Variants in KRT82 observed in about 807,000 individuals in gnomAD.
The protein encoded by KRT82 is keratin, type II cuticular Hb2.
In KRT82, 44 loss-of-function variants were observed where a neutral mutation model predicts 48.0. The observed-to-expected ratio is 0.92, with a 90% confidence interval of 0.72 to 1.18. The LOEUF is 1.18. Ranked by LOEUF, KRT82 falls within the 50% of genes most tolerant of loss-of-function variation. The probability of loss-of-function intolerance (pLI) is 0.00; values close to 1 mark genes in which losing one functional copy is unlikely to be tolerated. For missense variants in KRT82, 701 were observed against 671.4 expected, an observed-to-expected ratio of 1.04 and a Z score of -0.49; for synonymous variants, 297 against 278.3, an observed-to-expected ratio of 1.07 and a Z score of -0.67.
Position 52,403,782 on chromosome 12 carries a change from A to G in KRT82, c.539T>C (p.Leu180Pro). The change falls in exon 2 of 9, where the codon CTG (leucine) becomes CCG (proline). Residue 180 changes from leucine to proline, a missense_variant. Transcript: ENST00000257974. ...CACGCGGTCCCCGGACACACAGTCCAGCTGCCGCCGAAGGGCGCTGATATA... is the reference window on the plus strand; with the variant it reads ...CACGCGGTCCCCGGACACACAGTCCGGCTGCCGCCGAAGGGCGCTGATATA... Reference protein sequence around the residue: ...EGYISALRRQLDCVSGDRVRL... With the variant: ...EGYISALRRQPDCVSGDRVRL... 2 of 1,613,636 alleles carry G rather than the reference A, an allele frequency of 1.2e-6. No individual in the cohort carries two copies. Among genetic ancestry groups the G allele is most frequent in the East Asian group, 4.5e-5 (2 of 44,870 alleles).
intron 5 of KRT82, among the ~76,000 whole-genome samples, chr12:52,397,709 A>G (rs1005444425): frequency 3.3e-5 from 5 of 152,334 alleles, no homozygotes; most frequent in Non-Finnish European, 1.5e-5. Context: ...TTACAGTAGG[A>G]AAGTCTGCAG....
At chr12:52,402,694 G>GAAAGAGTTAGCCTTTTTTCTT (rs1939805111) in intron 2 of KRT82, among the ~76,000 whole-genome samples, 1 of 152,102 alleles carries the variant, frequency 6.6e-6, no homozygotes, top group East Asian at 1.9e-4. Context: ...ACTGGACTGG[G>GAAAGAGTTAGCCTTTTTTCTT]AAAGAGTTAG....
chr12:52,400,901 G>C (rs567513566), intron 3 of KRT82, among the ~76,000 whole-genome samples: 1 of 152,312 alleles, frequency 6.6e-6, no homozygotes, highest in Non-Finnish European at 1.5e-5. Flanking sequence ...GAAATACCTG[G>C]CTACCTGTCT....
intron 6 of KRT82, 149 bp from the exon 7 acceptor site, chr12:52,396,381 G>A (rs900242844): frequency 1.4e-6 from 1 of 718,188 alleles, no homozygotes; most frequent in African/African-American, 1.8e-5. Flanking sequence ...TTCCTCCAGG[G>A]AACTGGGATG....
chr12:52,396,489 G>T lies in KRT82; in HGVS notation c.1069-257C>A, dbSNP rs531645158. Among the ~76,000 whole-genome samples, 5 of 152,296 alleles carry T rather than the reference G, an allele frequency of 3.3e-5. No homozygotes were observed. In the South Asian group the frequency reaches 8.3e-4, roughly 25 times the overall value. Reference sequence around the variant, plus strand: ...TTAATATGTTTTAAATGCCCAGCTGGTCTTCCCTAGCCCAGGAGAATGGAG... The same window carrying T: ...TTAATATGTTTTAAATGCCCAGCTGTTCTTCCCTAGCCCAGGAGAATGGAG... On this transcript the variant is annotated intron_variant, in intron 6 of 8. Coordinates refer to ENST00000257974, the MANE Select transcript of KRT82 (RefSeq NM_033033.4).
chr12:52,403,800 C>T lies in KRT82; in HGVS notation c.521G>A (p.Ser174Asn), dbSNP rs2121483355. 1.2e-6 allele frequency: 2 copies of T among 1,613,708 alleles called. No homozygotes were observed. Among genetic ancestry groups the T allele is most frequent in the Non-Finnish European group, 1.7e-6 (2 of 1,179,974 alleles). Residue 174 changes from serine (S) to asparagine (N), a missense_variant, in exon 2 of 9, where the codon AGC (serine) becomes AAC (asparagine). Ser to Asn is a conservative substitution (Grantham distance 46, BLOSUM62 1). Coordinates refer to ENST00000257974, the MANE Select transcript of KRT82 (RefSeq NM_033033.4). ...ACAGTCCAGCTGCCGCCGAAGGGCG[C>T]TGATATAGCCCTCGAAGATGGGCTC... Reference protein sequence around the residue: ...NIEPIFEGYISALRRQLDCVS... With the variant: ...NIEPIFEGYINALRRQLDCVS...
At position 52,396,056 on chromosome 12, in the gene KRT82, G is replaced by C. The variant is rs149421540; in HGVS notation, c.1245C>G (p.Ile415Met). The change falls in exon 7 of 9, where the codon ATC becomes ATG. Residue 415 changes from isoleucine (I) to methionine (M), a missense_variant. Coordinates refer to ENST00000257974, the MANE Select transcript of KRT82 (RefSeq NM_033033.4). ...EVMNSKLGLD[I>M]EIATYRRLLE... is the part of the protein sequence containing the mutation. ...GCAGGCGCCTGTAGGTGGCGATCTC[G>C]ATGTCCAGGCCCAGCTTGGAGTTCA... 1 of 1,614,144 alleles carries C rather than the reference G, an allele frequency of 6.2e-7. No homozygotes were observed. Among genetic ancestry groups the C allele is most frequent in the Non-Finnish European group, 8.5e-7 (1 of 1,180,042 alleles).
intron 5 of KRT82, among the ~76,000 whole-genome samples, chr12:52,398,933 T>C (rs1156865920): frequency 2.6e-5 from 4 of 152,176 alleles, no homozygotes; most frequent in Admixed American, 2.6e-4. Flanking sequence ...TCCTAGCACC[T>C]GCTGCTCAGC....
chr12:52,404,437 A>T (rs1939826940), intron 1 of KRT82, among the ~76,000 whole-genome samples: 1 of 152,230 alleles, frequency 6.6e-6, no homozygotes. Context: ...GCTGCATCCT[A>T]CATGGCTGTA....
rs142011803 is a variant in KRT82 at position 52,406,216 on chromosome 12, G to T, written c.62C>A (p.Ser21Ter). 2 of 1,612,270 alleles carry T rather than the reference G, an allele frequency of 1.2e-6. No individual in the cohort carries two copies. Among genetic ancestry groups the T allele is most frequent in the South Asian group, 2.2e-5 (2 of 90,910 alleles). ...RCGSQSFSSY[S>*]AVMPRMVTHY... is the part of the protein sequence containing the mutation. Reference sequence around the variant, plus strand: ...GGTGACCATCCGGGGCATGACAGCCGAGTATGAGCTGAAACTCTGACTGCC... The same window carrying T: ...GGTGACCATCCGGGGCATGACAGCCTAGTATGAGCTGAAACTCTGACTGCC... The change falls in exon 1 of 9, where the codon TCG becomes TAG. Residue 21 changes from serine to a stop codon, truncating the protein, a stop_gained. Coordinates refer to ENST00000257974, the MANE Select transcript of KRT82 (RefSeq NM_033033.4). LOFTEE classifies it high-confidence loss of function.
chr12:52,400,142 C>T lies in KRT82; in HGVS notation c.785G>A (p.Cys262Tyr). 1.9e-6 allele frequency: 3 copies of T among 1,613,060 alleles called. No individual in the cohort carries two copies. Among genetic ancestry groups the T allele is most frequent in the Non-Finnish European group, 2.5e-6 (3 of 1,179,188 alleles). ...FLKSLYEEEI[C>Y]LLQSQISETS... ...CTCAGAGATCTGAGACTGGAGCAGG[C>T]AGATCTCCTGGGGGCAGGGCCCATG... The change falls in exon 5 of 9, where the codon TGC becomes TAC. Residue 262 changes from cysteine to tyrosine, a missense_variant. Coordinates refer to ENST00000257974, the MANE Select transcript of KRT82 (RefSeq NM_033033.4).
Position 52,397,024 on chromosome 12 carries a change from G to A in KRT82, c.943-16C>T. 6.2e-7 allele frequency: 1 copy of A among 1,612,854 alleles called. No individual in the cohort carries two copies. The highest frequency in any genetic ancestry group is 8.5e-7 in the Non-Finnish European group (1 of 1,179,852). On this transcript the variant is annotated splice_polypyrimidine_tract_variant and intron_variant, in intron 5 of 8. Coordinates refer to ENST00000257974, the MANE Select transcript of KRT82 (RefSeq NM_033033.4). ...GCTCCTCATACTGCCAGGACAGAGA[G>A]GTCAGAGCCCCAGGCCCCACAAGAT...
chr12:52,399,492 T>A (rs1283973304), intron 5 of KRT82, among the ~76,000 whole-genome samples: 1 of 152,176 alleles, frequency 6.6e-6, no homozygotes. Flanking sequence ...ATTTGTTAAA[T>A]CTAATTACCC....
At position 52,395,025 on chromosome 12, in the gene KRT82, A is replaced by C; in HGVS notation, c.1492T>G (p.Ser498Ala). 2 of 1,613,616 alleles carry C rather than the reference A, an allele frequency of 1.2e-6. No individual in the cohort carries two copies. The highest frequency in any genetic ancestry group is 1.7e-6 in the Non-Finnish European group (2 of 1,179,936). Residue 498 changes from serine (S) to alanine (A), a missense_variant, in exon 9 of 9, where the codon TCC becomes GCC. Transcript: ENST00000257974. ...GLLSCGSGRK[S>A]SMTLGAGGSS... ...CCCCCAGCTCCTAGCGTCATGCTGG[A>C]TTTCCGCCCGCTCCCACAGCTCAGT...
intron 2 of KRT82, 28 bp downstream of exon 2, chr12:52,403,673 C>A: frequency 7.2e-7 from 1 of 1,387,802 alleles, no homozygotes. Flanking sequence ...CCAGGTCCAC[C>A]AGTGGGGTAA....
Position 52,405,847 on chromosome 12 carries a change from C to G in KRT82, c.411+20G>C. 6.3e-7 allele frequency: 1 copy of G among 1,594,828 alleles called. No individual in the cohort carries two copies. Among genetic ancestry groups the G allele is most frequent in the Non-Finnish European group, 8.6e-7 (1 of 1,169,390 alleles). On this transcript the variant is annotated intron_variant, in intron 1 of 8. Coordinates refer to ENST00000257974, the MANE Select transcript of KRT82 (RefSeq NM_033033.4). ...ATCTGCAGTGGGTCCTCTCACGGCC[C>G]TGGGCCACTGCCCCCTTACCTTGTT...
At chr12:52,403,523 C>T (rs1939814789) in intron 2 of KRT82, among the ~76,000 whole-genome samples, 178 bp downstream of exon 2, 1 of 152,222 alleles carries the variant, frequency 6.6e-6, no homozygotes, top group Admixed American at 6.5e-5. Flanking sequence ...AATACACAGT[C>T]TCAGAGCTCC....
At position 52,401,320 on chromosome 12, in the gene KRT82, C is replaced by A. The variant is rs763368729; in HGVS notation, c.650G>T (p.Cys217Phe). 1 of 1,614,124 alleles carries A rather than the reference C, an allele frequency of 6.2e-7. No individual in the cohort carries two copies. The highest frequency in any genetic ancestry group is 8.5e-7 in the Non-Finnish European group (1 of 1,179,980). ...KYEEELSLRPCVENEFVALKK... is the reference protein window; with the variant it reads ...KYEEELSLRPFVENEFVALKK... ...CAAGGCAACAAACTCATTCTCAACA[C>A]AGGGACGCAGGGAGAGCTCCTCTTC... is the stretch of plus-strand genomic sequence containing the variant. The change falls in exon 3 of 9, where the codon TGT (cysteine) becomes TTT (phenylalanine). Residue 217 changes from cysteine (C) to phenylalanine (F), a missense_variant. Cys to Phe is a radical substitution (Grantham distance 205). Coordinates refer to ENST00000257974, the MANE Select transcript of KRT82 (RefSeq NM_033033.4).
chr12:52,394,938 G>T lies in KRT82; in HGVS notation c.*37C>A. The T allele has an allele frequency of 6.4e-7, 1 of 1,562,956 alleles. No homozygotes were observed. Among genetic ancestry groups the T allele is most frequent in the Non-Finnish European group, 8.8e-7 (1 of 1,134,068 alleles). On this transcript the variant is annotated 3_prime_UTR_variant, in exon 9 of 9. Transcript: ENST00000257974. ...TGGGAGTGTGACATCCAGGGCCATG[G>T]GGCAGGGGCTCTGTCTCCTGGATGT...
Sources: allele counts gnomAD v4.1 joint callset (sites outside exome capture counted in the v4.1 genomes callset), GRCh38; gene constraint gnomAD v4.1.1; transcripts MANE v1.5; gene names NCBI Gene and HGNC (gene_info 2026-07-23, HGNC 2026-07-21).